The following ARHGEF28 variants were observed in gnomAD, a reference collection of about 807,000 sequenced individuals.
The protein encoded by ARHGEF28 is Rho guanine nucleotide exchange factor 28.
A neutral mutation model predicts 206.6 loss-of-function variants in ARHGEF28; 152 were observed. The observed-to-expected ratio is 0.74, with a 90% CI of 0.64 to 0.84. ARHGEF28 has a LOEUF of 0.84. Ranked by LOEUF, ARHGEF28 falls within the 40% of genes least tolerant of loss-of-function variation. ARHGEF28 has a pLI of 0.00. For synonymous variants in ARHGEF28, 763 were observed against 776.4 expected, an observed-to-expected ratio of 0.98 and a Z score of 0.29; for missense variants, 2,028 against 2,073.2, an observed-to-expected ratio of 0.98 and a Z score of 0.42.
Position 73,797,807 on chromosome 5 carries a change from A to T in ARHGEF28, c.1024+2416A>T, listed in dbSNP as rs533771548. ...ATGTAAGTCTTTGCTGACTTGTATT[A>T]TTCAGAATTGTGTGGTGTGGATGTG... On this transcript the variant is annotated intron_variant, in intron 9 of 35. Coordinates refer to ENST00000513042, the MANE Select transcript of ARHGEF28 (RefSeq NM_001177693.2). Among the ~76,000 whole-genome samples, 3 of 152,326 alleles carry T rather than the reference A, an allele frequency of 2.0e-5. No individual in the cohort carries two copies. In the South Asian group the frequency reaches 6.2e-4, roughly 32 times the overall value.
At chr5:73,680,663 A>G (rs1417273643) in intron 1 of ARHGEF28, among the ~76,000 whole-genome samples, 1 of 152,032 alleles carries the variant, frequency 6.6e-6, no homozygotes, top group Non-Finnish European at 1.5e-5. Context: ...AAACCTATTG[A>G]AGTAAAAAAT....
intron 2 of ARHGEF28, among the ~76,000 whole-genome samples, chr5:73,722,305 C>A (rs904772817): frequency 2.6e-5 from 4 of 152,170 alleles, no homozygotes; most frequent in African/African-American, 7.2e-5. Context: ...CCATTACTTA[C>A]CCAGTGTGCT....
intron 4 of ARHGEF28, among the ~76,000 whole-genome samples, chr5:73,757,407 C>T (rs1022128816): frequency 2.6e-5 from 4 of 152,088 alleles, no homozygotes; most frequent in African/African-American, 4.8e-5. Context: ...TAGATCTTAC[C>T]GAAGGAGTAT....
At chr5:73,857,898 TC>T in intron 15 of ARHGEF28, 119 bp downstream of exon 15, 2 of 1,394,150 alleles carry the variant, frequency 1.4e-6, no homozygotes, top group Non-Finnish European at 1.9e-6. Flanking sequence ...TACACATATT[TC>T]TTATGGAATA....
Position 73,776,594 on chromosome 5 carries a change from G to A in ARHGEF28, c.738G>A (p.Ser246=), listed in dbSNP as rs763120792. 1.4e-5 allele frequency: 22 copies of A among 1,613,776 alleles called. No homozygotes were observed. Among genetic ancestry groups the A allele is most frequent in the South Asian group, 4.4e-5 (4 of 91,076 alleles). Reference sequence around the variant, plus strand: ...CCTCCTTGCATTACATTCACTCATCGGAAACGCTGACCCTGACCCTGAACC... The same window carrying A: ...CCTCCTTGCATTACATTCACTCATCAGAAACGCTGACCCTGACCCTGAACC... ...EEASLHYIHS[S]ETLTLTLNHT... is the part of the protein sequence containing the mutation. Residue 246 remains serine, a synonymous_variant, in exon 6 of 36, where the codon TCG becomes TCA. Transcript: ENST00000513042.
chr5:73,900,922 T>G, intron 30 of ARHGEF28: 1 of 339,952 alleles, frequency 2.9e-6, no homozygotes, highest in Non-Finnish European at 5.6e-6. Flanking sequence ...AACACTTCAG[T>G]GCAAGAAAGA....
chr5:73,817,073 G>A (rs1201450537), intron 9 of ARHGEF28, among the ~76,000 whole-genome samples: 1 of 152,180 alleles, frequency 6.6e-6, no homozygotes, highest in Admixed American at 6.5e-5. Context: ...TCTCATAATT[G>A]TCATTCAATC....
At chr5:73,660,747 G>A (rs1386913317) in intron 1 of ARHGEF28, among the ~76,000 whole-genome samples, 2 of 152,190 alleles carry the variant, frequency 1.3e-5, no homozygotes, top group Non-Finnish European at 2.9e-5. Context: ...TACATTGTCA[G>A]TGAGCAGTAA....
At chr5:73,821,923 G>A (rs1215359217) in intron 9 of ARHGEF28, among the ~76,000 whole-genome samples, 1 of 152,118 alleles carries the variant, frequency 6.6e-6, no homozygotes, top group Non-Finnish European at 1.5e-5. Context: ...GCTACTTTGT[G>A]CTACTACAAT....
At chr5:73,692,200 T>C (rs1423765797) in intron 2 of ARHGEF28, among the ~76,000 whole-genome samples, 6 of 152,230 alleles carry the variant, frequency 3.9e-5, no homozygotes, top group South Asian at 2.1e-4. Flanking sequence ...TTCTGACTAA[T>C]ATGAGCATCT....
intron 9 of ARHGEF28, among the ~76,000 whole-genome samples, chr5:73,827,627 C>T (rs889458582): frequency 6.6e-6 from 1 of 152,158 alleles, no homozygotes; most frequent in Non-Finnish European, 1.5e-5. Flanking sequence ...CCAGGCAGTT[C>T]AGGGCTCATG....
rs1042955665 is a variant in ARHGEF28, at chr5:73,840,362, G to A, written c.1147-118G>A. On this transcript the variant is annotated intron_variant, in intron 10 of 35. Coordinates refer to ENST00000513042, the MANE Select transcript of ARHGEF28 (RefSeq NM_001177693.2). ...ACTCCTGACCTCAAGTGATCTGCCAGCCTCGGCCTCCTACCACGCCTGGCC... is the reference window on the plus strand; with the variant it reads ...ACTCCTGACCTCAAGTGATCTGCCAACCTCGGCCTCCTACCACGCCTGGCC... 7 of 947,060 alleles carry A rather than the reference G, an allele frequency of 7.4e-6. No homozygotes were observed. The African/African-American group carries it at 1.2e-4, about 16-fold the overall frequency. The allele number at this position is 947,060 out of a possible 1,614,324, so 58.7% of individuals were successfully genotyped here. A position where few individuals can be genotyped will look rare whatever the true frequency, so the allele number is the denominator to read the frequency against.
intron 26 of ARHGEF28, among the ~76,000 whole-genome samples, chr5:73,889,111 G>A (rs1561488219): frequency 6.6e-6 from 1 of 152,188 alleles, no homozygotes; most frequent in Admixed American, 6.5e-5. Context: ...AGTTAACACT[G>A]TAGGAAATTG....
chr5:73,852,192 G>C (rs1031951877), intron 13 of ARHGEF28, among the ~76,000 whole-genome samples: 3 of 152,140 alleles, frequency 2.0e-5, no homozygotes, highest in African/African-American at 7.2e-5. Flanking sequence ...GATTTTATGA[G>C]GACATTGCAG....
At chr5:73,853,007 A>G (rs1758798357) in intron 14 of ARHGEF28, among the ~76,000 whole-genome samples, 1 of 152,210 alleles carries the variant, frequency 6.6e-6, no homozygotes, top group African/African-American at 2.4e-5. Flanking sequence ...CTCCAGCTCT[A>G]TTCCACCATG....
Position 73,940,893 on chromosome 5 carries a change from A to G in ARHGEF28, c.4998A>G (p.Ser1666=), listed in dbSNP as rs1181997294. ...TESPTPHDSN[S]HRPQLQAFIT... Reference sequence around the variant, plus strand: ...CCCCAACCCCCCATGACTCAAATTCACACCGCCCTCAACTGCAGGCGTTTA... The same window carrying G: ...CCCCAACCCCCCATGACTCAAATTCGCACCGCCCTCAACTGCAGGCGTTTA... Residue 1666 remains serine, a synonymous_variant, in exon 36 of 36, where the codon TCA becomes TCG. Transcript: ENST00000513042. 4 of 1,533,384 alleles carry G rather than the reference A, an allele frequency of 2.6e-6. No individual in the cohort carries two copies. The highest frequency in any genetic ancestry group is 1.7e-4 in the Middle Eastern group (1 of 5,982). 95.0% of individuals were successfully genotyped at this position (1,533,384 alleles called of 1,614,324 possible).
intron 29 of ARHGEF28, among the ~76,000 whole-genome samples, chr5:73,895,173 G>A (rs1353652203): frequency 6.6e-6 from 1 of 152,176 alleles, no homozygotes; most frequent in Admixed American, 6.5e-5. Flanking sequence ...GGTTTGAAAG[G>A]TACCTCCTGA....
chr5:73,811,564 T>C (rs979303976), intron 9 of ARHGEF28, among the ~76,000 whole-genome samples: 1 of 152,192 alleles, frequency 6.6e-6, no homozygotes, highest in African/African-American at 2.4e-5. Context: ...TTCCACAAGA[T>C]TTGGTATATT....
At chr5:73,773,724 G>T in intron 4 of ARHGEF28, 131 bp from the exon 5 acceptor site, 1 of 936,530 alleles carries the variant, frequency 1.1e-6, no homozygotes, top group Non-Finnish European at 1.5e-6. Flanking sequence ...TACAGTGATT[G>T]GGTGCCATTG....
Sources: allele counts gnomAD v4.1 joint callset (sites outside exome capture counted in the v4.1 genomes callset), GRCh38; gene constraint gnomAD v4.1.1; transcripts MANE v1.5; gene names NCBI Gene and HGNC (gene_info 2026-07-23, HGNC 2026-07-21).